KCNK13: variants seen among roughly 807,000 people sequenced by gnomAD.
KCNK13 encodes the protein potassium two pore domain channel subfamily K member 13, also known as potassium channel subfamily K member 13.
KCNK13 carries 12 observed loss-of-function variants against 23.4 expected under a neutral mutation model. The ratio of observed to expected loss-of-function variants is 0.51; its 90% CI spans 0.33 to 0.83. The LOEUF is 0.83. Among genes scored for constraint, KCNK13 ranks in the 40% least tolerant of loss-of-function variants. The pLI is 0.02. For missense variants in KCNK13, 463 were observed against 556.3 expected, an observed-to-expected ratio of 0.83 and a Z score of 1.69; for synonymous variants, 231 against 229.5, an observed-to-expected ratio of 1.01 and a Z score of -0.06.
intron 1 of KCNK13, among the ~76,000 whole-genome samples, chr14:90,120,617 T>G (rs1327756747): frequency 6.6e-6 from 1 of 152,198 alleles, no homozygotes; most frequent in East Asian, 1.9e-4. Context: ...GTGAACGGCA[T>G]GGGGGCAACT....
At chr14:90,070,682 G>A (rs1006544659) in intron 1 of KCNK13, among the ~76,000 whole-genome samples, 1 of 152,180 alleles carries the variant, frequency 6.6e-6, no homozygotes, top group Admixed American at 6.5e-5. Flanking sequence ...AAGAATGCAA[G>A]CTTTTCTTCA....
intron 1 of KCNK13, among the ~76,000 whole-genome samples, chr14:90,160,088 A>C (rs1890237369): frequency 6.6e-6 from 1 of 152,228 alleles, no homozygotes; most frequent in African/African-American, 2.4e-5. Context: ...GCGGCAAAAA[A>C]GAATATACAC....
At chr14:90,124,544 C>T (rs145431493) in intron 1 of KCNK13, among the ~76,000 whole-genome samples, 52 of 152,358 alleles carry the variant, frequency 3.4e-4, no homozygotes, top group Non-Finnish European at 6.0e-4. Context: ...CCTCAATAAG[C>T]CAGGAACTGG....
chr14:90,175,944 A>G lies in KCNK13; in HGVS notation c.335-8167A>G, dbSNP rs185983655. Among the ~76,000 whole-genome samples, 371 of 152,264 alleles carry G rather than the reference A, an allele frequency of 2.4e-3. 4 individuals carry two copies. The highest frequency in any genetic ancestry group is 8.4e-3 in the African/African-American group (349 of 41,548). ...CGTGGTGTCTAGGGGATCCAGAGAG[A>G]GGAAGCTGAAGTTCCTAAGCTTCTG... On this transcript the variant is annotated intron_variant, in intron 1 of 1. Transcript: ENST00000282146.
At position 90,184,172 on chromosome 14, in the gene KCNK13, T is replaced by C; in HGVS notation, c.396T>C (p.Leu132=). ...AAATCTTTCTGATCTTTTACGGCCT[T>C]GTTGGGTGTTCCAGCACCATCTTGT... ...GGKIFLIFYG[L]VGCSSTILFF... is the part of the protein sequence containing the mutation. Residue 132 remains leucine (L), a synonymous_variant, in exon 2 of 2, where the codon CTT becomes CTC. Coordinates refer to ENST00000282146, the MANE Select transcript of KCNK13 (RefSeq NM_022054.4). This position sits in a 1 kb window ranked among gnomAD's most constrained non-coding sequence, Gnocchi z 5.6. 4.3e-6 allele frequency: 7 copies of C among 1,614,234 alleles called. No individual in the cohort carries two copies. Among genetic ancestry groups the C allele is most frequent in the South Asian group, 1.1e-5 (1 of 91,082 alleles).
intron 1 of KCNK13, among the ~76,000 whole-genome samples, chr14:90,118,175 G>A (rs1889698322): frequency 6.6e-6 from 1 of 152,156 alleles, no homozygotes; most frequent in Non-Finnish European, 1.5e-5. Context: ...ATGCAGTGAA[G>A]GCACCGTTAC....
chr14:90,083,606 A>G (rs1041348161), intron 1 of KCNK13, among the ~76,000 whole-genome samples: 1 of 152,198 alleles, frequency 6.6e-6, no homozygotes, highest in Non-Finnish European at 1.5e-5. Flanking sequence ...TAATTGTGTT[A>G]TAAAAGGGCA....
Position 90,111,365 on chromosome 14 carries a change from G to T in KCNK13, c.334+48826G>T, listed in dbSNP as rs186465596. Among the ~76,000 whole-genome samples the T allele has an allele frequency of 9.9e-5, 15 of 152,134 alleles. No individual in the cohort carries two copies. In the East Asian group the frequency reaches 2.9e-3, roughly 29 times the overall value. On this transcript the variant is annotated intron_variant, in intron 1 of 1. Transcript: ENST00000282146. ...TATACATTTATTCACTTTTTTCCCC[G>T]AATGTGTTACATTTCACACATACAC...
intron 1 of KCNK13, among the ~76,000 whole-genome samples, chr14:90,157,225 T>C (rs1214413965): frequency 6.6e-6 from 1 of 152,222 alleles, no homozygotes; most frequent in Non-Finnish European, 1.5e-5. Context: ...AATTGCACAT[T>C]TGTATCTACT....
chr14:90,159,362 A>G (rs1455311724), intron 1 of KCNK13, among the ~76,000 whole-genome samples: 2 of 152,220 alleles, frequency 1.3e-5, no homozygotes, highest in African/African-American at 2.4e-5. Context: ...AAACGGAGCC[A>G]GGACTCAGGG....
intron 1 of KCNK13, among the ~76,000 whole-genome samples, chr14:90,073,024 C>T (rs943501491): frequency 4.6e-5 from 7 of 152,126 alleles, no homozygotes; most frequent in Admixed American, 2.0e-4. Context: ...TTCTGTGCTC[C>T]GTCTGAAGCC....
At chr14:90,122,243 T>G (rs1184695876) in intron 1 of KCNK13, among the ~76,000 whole-genome samples, 1 of 152,154 alleles carries the variant, frequency 6.6e-6, no homozygotes, top group South Asian at 2.1e-4. Flanking sequence ...ATTTAGCAGC[T>G]TTTCCTCAGA....
chr14:90,107,842 G>A, intron 1 of KCNK13: 1 of 851,824 alleles, frequency 1.2e-6, no homozygotes, highest in South Asian at 1.3e-5. Context: ...ACACTAACAA[G>A]ATTCAAGATT....
At chr14:90,085,667 AAT>A (rs1273568222) in intron 1 of KCNK13, among the ~76,000 whole-genome samples, 2 of 141,144 alleles carry the variant, frequency 1.4e-5, no homozygotes, top group South Asian at 2.1e-4. Flanking sequence ...CTCAAAAAAA[AAT>A]ATATATATAT....
At chr14:90,154,322 A>C (rs1177447441) in intron 1 of KCNK13, among the ~76,000 whole-genome samples, 1 of 144,822 alleles carries the variant, frequency 6.9e-6, no homozygotes, top group Non-Finnish European at 1.5e-5. Flanking sequence ...CTGCTCTCCT[A>C]CCCACAATGC....
intron 1 of KCNK13, among the ~76,000 whole-genome samples, chr14:90,165,355 T>G (rs1405844938): frequency 6.6e-6 from 1 of 152,150 alleles, no homozygotes; most frequent in East Asian, 1.9e-4. Context: ...TCTTCTGCTT[T>G]TTACACCAAC....
intron 1 of KCNK13, among the ~76,000 whole-genome samples, chr14:90,158,726 G>T (rs1890221417): frequency 6.6e-6 from 1 of 152,168 alleles, no homozygotes; most frequent in African/African-American, 2.4e-5. Flanking sequence ...CCAAATATTT[G>T]ACAAACATTG....
rs546622630 is a variant in KCNK13 at position 90,096,131 on chromosome 14, AC to A, written c.334+33594del. On this transcript the variant is annotated intron_variant, in intron 1 of 1. Coordinates refer to ENST00000282146, the MANE Select transcript of KCNK13 (RefSeq NM_022054.4). ...GTTCAGCAATCTGGAAGCTCTCCAA[AC>A]CTTGTCCTTTGGGGTTTTTATAGAG... 2.8e-3 allele frequency among the ~76,000 whole-genome samples: 431 copies of A among 152,306 alleles called. 2 individuals carry two copies. Among genetic ancestry groups the A allele is most frequent in the African/African-American group, 1.0e-2 (414 of 41,574 alleles).
At chr14:90,142,952 T>C (rs914411374) in intron 1 of KCNK13, among the ~76,000 whole-genome samples, 3 of 152,112 alleles carry the variant, frequency 2.0e-5, no homozygotes, top group Admixed American at 6.6e-5. Flanking sequence ...GGTAAATGTA[T>C]GGGGGAACTA....
Sources: allele counts gnomAD v4.1 joint callset (sites outside exome capture counted in the v4.1 genomes callset), GRCh38; gene constraint gnomAD v4.1.1; non-coding constraint Gnocchi (gnomAD v3.1); transcripts MANE v1.5; gene names NCBI Gene and HGNC (gene_info 2026-07-23, HGNC 2026-07-21).